The following TMEM204 variants were observed in gnomAD, a reference collection of about 807,000 sequenced individuals.
TMEM204 encodes the protein claudin-like protein 24.
Under a neutral mutation model 19.4 loss-of-function variants are expected in TMEM204, and 15 were observed. That is an observed-to-expected ratio of 0.77 (90% CI 0.52 to 1.19). TMEM204 has a LOEUF of 1.19. TMEM204 is among the 50% of genes most tolerant of loss of function. The pLI is 0.00. For missense variants in TMEM204, 287 were observed against 321.2 expected (o/e 0.89, Z 0.81); for synonymous variants, 161 against 146.0 (o/e 1.10, Z -0.74).
chr16:1,538,231 G>A (rs905721325), intron 1 of TMEM204, among the ~76,000 whole-genome samples: 9 of 152,226 alleles, frequency 5.9e-5, no homozygotes, highest in Non-Finnish European at 1.2e-4. Context: ...GGGACTTGGA[G>A]GCTGCAGAGT....
Position 1,553,302 on chromosome 16 carries a change from G to C in TMEM204, c.437-1480G>C, listed in dbSNP as rs956590312. The C allele has an allele frequency of 1.0e-6, 1 of 983,444 alleles. No homozygotes were observed. The highest frequency in any genetic ancestry group is 4.7e-5 in the South Asian group (1 of 21,244). The allele number at this position is 983,444 out of a possible 1,614,324, so 60.9% of individuals were successfully genotyped here. On this transcript the variant is annotated intron_variant, in intron 2 of 2. Transcript: ENST00000566264. This position sits in a 1 kb window ranked among gnomAD's most constrained non-coding sequence, Gnocchi z 4.4. ...TCTCTGTGTCTCTGCCTGTCTCTCT[G>C]TGTCTCTGTCTCTGTGTCTCTGTCC...
rs1286439467 is a variant in TMEM204 at position 1,555,311 on chromosome 16, CAGGTT to C, written c.*290_*294del. 3 of 440,482 alleles carry C rather than the reference CAGGTT, an allele frequency of 6.8e-6. No homozygotes were observed. Among genetic ancestry groups the C allele is most frequent in the Admixed American group, 4.0e-5 (1 of 24,916 alleles). 27.3% of individuals were successfully genotyped at this position (440,482 alleles called of 1,614,324 possible). A position where few individuals can be genotyped will look rare whatever the true frequency, so the allele number is the denominator to read the frequency against. ...AGGGTGGAAGCTGGAAGCTGAGACA[CAGGTT>C]AGGTGGCGCGAGGCTGCCCTGCGCT... On this transcript the variant is annotated 3_prime_UTR_variant, in exon 3 of 3. Coordinates refer to ENST00000566264, the MANE Select transcript of TMEM204 (RefSeq NM_024600.6).
At chr16:1,542,978 G>A (rs2031791224) in intron 2 of TMEM204, among the ~76,000 whole-genome samples, 1 of 152,258 alleles carries the variant, frequency 6.6e-6, no homozygotes, top group Non-Finnish European at 1.5e-5. Flanking sequence ...TTGAGCCACA[G>A]CAGTGTCCAG....
intron 1 of TMEM204, among the ~76,000 whole-genome samples, chr16:1,538,929 C>T (rs11860657): frequency 3.5e-4 from 53 of 152,320 alleles, no homozygotes; most frequent in Middle Eastern, 3.4e-3. Context: ...CCCATCTGCA[C>T]AGGCCCTAGG....
At chr16:1,532,869 C>T (rs67832788), upstream of TMEM204, 13,996 of 152,316 alleles carry the variant, frequency 0.092, 828 homozygotes, top group African/African-American at 0.16. Flanking sequence ...AGAGCCTGAC[C>T]ACTCACAAGG....
intron 2 of TMEM204, chr16:1,554,194 G>A (rs2032905053): frequency 2.4e-5 from 28 of 1,176,322 alleles, no homozygotes; most frequent in Non-Finnish European, 3.1e-5. Context: ...TGCCTGAGCT[G>A]CAGACTCCAG....
chr16:1,533,150 A>T (rs891918426), upstream of TMEM204: 1 of 152,428 alleles, frequency 6.6e-6, no homozygotes, highest in African/African-American at 2.4e-5. This position sits in a 1 kb window ranked among gnomAD's most constrained non-coding sequence, Gnocchi z 4.7. Context: ...TCCTCCAAGT[A>T]CAGGTCCCTG....
chr16:1,553,055 A>G lies in TMEM204; in HGVS notation c.437-1727A>G, dbSNP rs2032799615. 3.0e-6 allele frequency: 3 copies of G among 985,330 alleles called. No homozygotes were observed. In the South Asian group the frequency reaches 1.4e-4, roughly 46 times the overall value. 61.0% of individuals were successfully genotyped at this position (985,330 alleles called of 1,614,324 possible). On this transcript the variant is annotated intron_variant, in intron 2 of 2. Transcript: ENST00000566264. This position sits in a 1 kb window ranked among gnomAD's most constrained non-coding sequence, Gnocchi z 4.4. Reference sequence around the variant, plus strand: ...ATGAACACAGAAACCAGTCACTGTCATTGTTCAGGACAAAATGGAGATAGA... The same window carrying G: ...ATGAACACAGAAACCAGTCACTGTCGTTGTTCAGGACAAAATGGAGATAGA...
intron 2 of TMEM204, among the ~76,000 whole-genome samples, chr16:1,542,347 T>C (rs1220278900): frequency 6.6e-6 from 1 of 152,268 alleles, no homozygotes; most frequent in East Asian, 1.9e-4. Context: ...CTTTAAAGGC[T>C]GAGGCACTTT....
upstream of TMEM204, among the ~76,000 whole-genome samples, chr16:1,529,753 T>C (rs1324006692): frequency 6.6e-6 from 1 of 152,230 alleles, no homozygotes; most frequent in Non-Finnish European, 1.5e-5. Flanking sequence ...GAAGGACCCA[T>C]GCGTGTAAAA....
upstream of TMEM204, chr16:1,528,927 T>TG (rs2030134422): frequency 6.6e-6 from 1 of 152,052 alleles, no homozygotes; most frequent in Admixed American, 6.6e-5. Context: ...CCGGGAGGTG[T>TG]GGGCTGCCCA....
At chr16:1,538,427 G>A (rs957076503) in intron 1 of TMEM204, among the ~76,000 whole-genome samples, 6 of 152,168 alleles carry the variant, frequency 3.9e-5, no homozygotes, top group East Asian at 3.9e-4. Flanking sequence ...ACAACTACAC[G>A]TGCAGCTGTG....
chr16:1,542,733 T>C (rs1414240100), intron 2 of TMEM204, among the ~76,000 whole-genome samples: 2 of 152,230 alleles, frequency 1.3e-5, no homozygotes, highest in Non-Finnish European at 2.9e-5. Flanking sequence ...GCTCGGACAC[T>C]GATGCAGACG....
intron 2 of TMEM204, among the ~76,000 whole-genome samples, chr16:1,554,408 C>A (rs752810772): frequency 5.9e-5 from 9 of 152,196 alleles, no homozygotes; most frequent in Non-Finnish European, 1.0e-4. Flanking sequence ...AAGGCCCCCC[C>A]AAGTTGGTGT....
At position 1,552,423 on chromosome 16, in the gene TMEM204, C is replaced by T. The variant is rs193034152; in HGVS notation, c.437-2359C>T. Among the ~76,000 whole-genome samples, 3 of 152,264 alleles carry T rather than the reference C, an allele frequency of 2.0e-5. No homozygotes were observed. In the East Asian group the frequency reaches 5.8e-4, roughly 29 times the overall value. Reference sequence around the variant, plus strand: ...CCTCCAGGACCACCTCCTCTGAGCCCTGACACCAGCACAACCCACACCCCA... The same window carrying T: ...CCTCCAGGACCACCTCCTCTGAGCCTTGACACCAGCACAACCCACACCCCA... On this transcript the variant is annotated intron_variant, in intron 2 of 2. Coordinates refer to ENST00000566264, the MANE Select transcript of TMEM204 (RefSeq NM_024600.6).
chr16:1,543,135 G>C (rs1033114193), intron 2 of TMEM204, among the ~76,000 whole-genome samples: 1 of 152,266 alleles, frequency 6.6e-6, no homozygotes, highest in Non-Finnish European at 1.5e-5. Flanking sequence ...CAGGGACACA[G>C]AGAAAGCGAG....
chr16:1,535,977 C>T (rs1003381234), intron 1 of TMEM204, among the ~76,000 whole-genome samples: 2 of 152,242 alleles, frequency 1.3e-5, no homozygotes, highest in Non-Finnish European at 2.9e-5. Flanking sequence ...AAGAAGGAGC[C>T]GCAGCCCCGT....
chr16:1,553,493 C>G lies in TMEM204; in HGVS notation c.437-1289C>G. The G allele has an allele frequency of 5.1e-6, 5 of 985,474 alleles. No individual in the cohort carries two copies. The highest frequency in any genetic ancestry group is 6.0e-6 in the Non-Finnish European group (5 of 829,942). 61.0% of individuals were successfully genotyped at this position (985,474 alleles called of 1,614,324 possible). A position where few individuals can be genotyped will look rare whatever the true frequency, so the allele number is the denominator to read the frequency against. On this transcript the variant is annotated intron_variant, in intron 2 of 2. Transcript: ENST00000566264. The surrounding 1 kb of genome is among the most constrained non-coding windows in gnomAD (Gnocchi z 4.4). ...GCCAGGCGGAGGGACAGCAGTGGGG[C>G]TCGGCGTGGCCGGAGCCTGGGGAGG...
intron 2 of TMEM204, among the ~76,000 whole-genome samples, chr16:1,554,509 C>G (rs1361035063): frequency 2.0e-5 from 3 of 152,180 alleles, no homozygotes; most frequent in Admixed American, 2.0e-4. Flanking sequence ...CAGACACATA[C>G]CACCCCTCCA....
Sources: allele counts gnomAD v4.1 joint callset (sites outside exome capture counted in the v4.1 genomes callset), GRCh38; gene constraint gnomAD v4.1.1; non-coding constraint Gnocchi (gnomAD v3.1); transcripts MANE v1.5; gene names NCBI Gene and HGNC (gene_info 2026-07-23, HGNC 2026-07-21).